The following RASIP1 variants were observed in gnomAD, a reference collection of about 807,000 sequenced individuals.
RASIP1 encodes the protein Ras interacting protein 1, also known as ras-interacting protein 1.
Under a neutral mutation model 85.3 loss-of-function variants are expected in RASIP1, and 20 were observed. The observed-to-expected ratio is 0.23, with a 90% CI of 0.17 to 0.34. RASIP1 has a LOEUF of 0.34. RASIP1 is among the 10% of genes least tolerant of loss of function. RASIP1 has a pLI of 1.00. For missense variants in RASIP1, 1,170 were observed against 1,390.9 expected (o/e 0.84, Z 2.53); for synonymous variants, 617 against 647.1 (o/e 0.95, Z 0.71).
Position 48,720,666 on chromosome 19 carries a change from C to A in RASIP1, c.*132G>T. 1 of 1,045,040 alleles carries A rather than the reference C, an allele frequency of 9.6e-7. No individual in the cohort carries two copies. The highest frequency in any genetic ancestry group is 1.4e-5 in the South Asian group (1 of 69,422). 64.7% of individuals were successfully genotyped at this position (1,045,040 alleles called of 1,614,324 possible). On this transcript the variant is annotated 3_prime_UTR_variant, in exon 12 of 12. Transcript: ENST00000222145. ...TCCCACCGTCCCATCCGCTACTTCC[C>A]GAAAACTCAATCTCCCAACATTCCA...
At chr19:48,725,914 T>C (rs1452165365) in intron 8 of RASIP1, among the ~76,000 whole-genome samples, 3 of 152,172 alleles carry the variant, frequency 2.0e-5, no homozygotes, top group African/African-American at 4.8e-5. Context: ...TGATTACTTT[T>C]TTTTTTATTT....
rs1297718536 is a variant in RASIP1, at chr19:48,735,119, G to A, written c.1179+77C>T. 4 of 1,363,770 alleles carry A rather than the reference G, an allele frequency of 2.9e-6. No individual in the cohort carries two copies. The Admixed American group carries it at 7.2e-5, about 25-fold the overall frequency. The allele number at this position is 1,363,770 out of a possible 1,614,324, so 84.5% of individuals were successfully genotyped here. On this transcript the variant is annotated intron_variant, in intron 4 of 11. Coordinates refer to ENST00000222145, the MANE Select transcript of RASIP1 (RefSeq NM_017805.3). ...GGCTAGCGCGCCCCGGGCCTTCTGG[G>A]AGTTGTAGTTTTGTTGCTCACCCAC... is the stretch of plus-strand genomic sequence containing the variant.
At position 48,740,401 on chromosome 19, in the gene RASIP1, C is replaced by G. The variant is rs1302054914; in HGVS notation, c.-4-115G>C. 7.0e-7 allele frequency: 1 copy of G among 1,430,560 alleles called. No individual in the cohort carries two copies. Among genetic ancestry groups the G allele is most frequent in the Admixed American group, 2.8e-5 (1 of 35,552 alleles). 88.6% of individuals were successfully genotyped at this position (1,430,560 alleles called of 1,614,324 possible). A position where few individuals can be genotyped will look rare whatever the true frequency, so the allele number is the denominator to read the frequency against. On this transcript the variant is annotated intron_variant, in intron 1 of 11. Coordinates refer to ENST00000222145, the MANE Select transcript of RASIP1 (RefSeq NM_017805.3). The surrounding 1 kb of genome is among the most constrained non-coding windows in gnomAD (Gnocchi z 5.5). The stretch of plus-strand genomic sequence containing the variant: ...GGGGCTGGGGCTCAGACTTGCGAGT[C>G]CAGGGGGAGGAGAGGGATGGTACCC...
chr19:48,732,372 T>C (rs555442582), intron 4 of RASIP1, among the ~76,000 whole-genome samples: 10 of 151,886 alleles, frequency 6.6e-5, no homozygotes, highest in African/African-American at 2.4e-4. Flanking sequence ...TCTCCTGCCT[T>C]AGCCTCTTGA....
chr19:48,734,066 C>T (rs538457615), intron 4 of RASIP1, among the ~76,000 whole-genome samples: 27 of 152,124 alleles, frequency 1.8e-4, no homozygotes, highest in Non-Finnish European at 2.8e-4. Flanking sequence ...GAGGCCGAGG[C>T]GGGCGGATCA....
chr19:48,736,139 G>A (rs1376165536), intron 3 of RASIP1, among the ~76,000 whole-genome samples: 8 of 151,560 alleles, frequency 5.3e-5, no homozygotes, highest in African/African-American at 1.9e-4. Context: ...ATTTAGGCCG[G>A]GTGCGGTGGC....
Position 48,721,898 on chromosome 19 carries a change from G to C in RASIP1, c.2648C>G (p.Ala883Gly), listed in dbSNP as rs777766602. 3.7e-6 allele frequency: 6 copies of C among 1,606,494 alleles called. No individual in the cohort carries two copies. Among genetic ancestry groups the C allele is most frequent in the Non-Finnish European group, 4.2e-6 (5 of 1,176,710 alleles). Residue 883 changes from alanine to glycine, a missense_variant, in exon 11 of 12, where the codon GCC (alanine) becomes GGC (glycine). Ala to Gly is a moderately conservative substitution (Grantham distance 60). Around this residue, in one of 4 missense-constraint regions of RASIP1, gnomAD observed 144 missense variants for 125.5 expected, o/e 1.15. Coordinates refer to ENST00000222145, the MANE Select transcript of RASIP1 (RefSeq NM_017805.3). ...CTCTGCAGGGGGAGGGTCCCACGCG[G>C]CTGGCGGCCCGCGGCCAGGGCCCAG... is the stretch of plus-strand genomic sequence containing the variant. ...YQLGPGRGPP[A>G]AWDPPPAERE... is the part of the protein sequence containing the mutation.
At chr19:48,732,440 G>C (rs1182792822) in intron 4 of RASIP1, among the ~76,000 whole-genome samples, 1 of 151,706 alleles carries the variant, frequency 6.6e-6, no homozygotes, top group African/African-American at 2.4e-5. Context: ...ATTTTTAGTA[G>C]ACATAGGGTT....
In RASIP1 at chr19:48,735,354, C is replaced by CCTG. The variant is rs1409185775; in HGVS notation, c.1018_1020dup (p.Gln340dup). ...ATGCTAAGTGCCTGCTGTCTCCGCT[C>CCTG]CTGCTGCCGCCGCCGCCGCCCCTGA... On this transcript the variant is annotated inframe_insertion, in exon 4 of 12. Coordinates refer to ENST00000222145, the MANE Select transcript of RASIP1 (RefSeq NM_017805.3). The CCTG allele has an allele frequency of 1.2e-6, 2 of 1,612,770 alleles. No individual in the cohort carries two copies. Among genetic ancestry groups the CCTG allele is most frequent in the Non-Finnish European group, 1.7e-6 (2 of 1,179,812 alleles).
In RASIP1 at chr19:48,720,960, G is replaced by A; in HGVS notation, c.2730C>T (p.Leu910=). Residue 910 remains leucine (L), a synonymous_variant, in exon 12 of 12, where the codon CTC becomes CTT. Transcript: ENST00000222145. Reference sequence around the variant, plus strand: ...GGCGCGAGCTCCCCAGGGGGAGGATGAGGGGCGGGTGCGAGGAGAAGCTTT... The same window carrying A: ...GGCGCGAGCTCCCCAGGGGGAGGATAAGGGGCGGGTGCGAGGAGAAGCTTT... ...IFESFSSHPP[L]ILPLGSSRLR... The A allele has an allele frequency of 6.2e-7, 1 of 1,611,560 alleles. No homozygotes were observed. The highest frequency in any genetic ancestry group is 1.1e-5 in the South Asian group (1 of 91,036).
intron 8 of RASIP1, 146 bp from the exon 9 acceptor site, chr19:48,725,106 C>G (rs144968151): frequency 1.1e-6 from 1 of 926,158 alleles, no homozygotes; most frequent in Non-Finnish European, 1.6e-6. Context: ...AAAGGGTCTC[C>G]GTGAGCAAAT....
chr19:48,739,882 G>C lies in RASIP1; in HGVS notation c.138-237C>G, dbSNP rs1403038791. On this transcript the variant is annotated intron_variant, in intron 2 of 11. Coordinates refer to ENST00000222145, the MANE Select transcript of RASIP1 (RefSeq NM_017805.3). The surrounding 1 kb of genome is among the most constrained non-coding windows in gnomAD (Gnocchi z 9.2). ...GGAAATTCCAAGAGGTGAGCAGGGA[G>C]GGGAGGAAGGAAGGTGAATCAATCC... is the stretch of plus-strand genomic sequence containing the variant. 6.6e-6 allele frequency among the ~76,000 whole-genome samples: 1 copy of C among 152,098 alleles called. No individual in the cohort carries two copies. The highest frequency in any genetic ancestry group is 1.5e-5 in the Non-Finnish European group (1 of 68,006).
Position 48,729,394 on chromosome 19 carries a change from G to C in RASIP1, c.1376C>G (p.Thr459Arg). ...MVRPSRGAPVTHNGCLLLREA... is the reference protein window; with the variant it reads ...MVRPSRGAPVRHNGCLLLREA... ...CCGCAGCAGGAGGCACCCGTTGTGCGTGACTGGGGCGCCCCGGGACGGGCG... is the reference window on the plus strand; with the variant it reads ...CCGCAGCAGGAGGCACCCGTTGTGCCTGACTGGGGCGCCCCGGGACGGGCG... Residue 459 changes from threonine to arginine, a missense_variant, in exon 5 of 12, where the codon ACG (threonine) becomes AGG (arginine). Thr to Arg is a moderately conservative substitution (Grantham distance 71). This residue lies in a region of RASIP1 where 426 missense variants were observed against 576.2 expected (regional missense o/e 0.74). Coordinates refer to ENST00000222145, the MANE Select transcript of RASIP1 (RefSeq NM_017805.3). The C allele has an allele frequency of 6.4e-7, 1 of 1,556,062 alleles. No homozygotes were observed. Among genetic ancestry groups the C allele is most frequent in the South Asian group, 1.2e-5 (1 of 84,582 alleles).
At chr19:48,730,016 C>A (rs531673667) in intron 4 of RASIP1, among the ~76,000 whole-genome samples, 9 of 151,942 alleles carry the variant, frequency 5.9e-5, no homozygotes, top group African/African-American at 1.9e-4. Context: ...CGCCCGGCCC[C>A]CCACCGACTT....
rs772112603 is a variant in RASIP1 at position 48,729,480 on chromosome 19, G to C, written c.1290C>G (p.Ala430=). The C allele has an allele frequency of 6.3e-7, 1 of 1,580,866 alleles. No individual in the cohort carries two copies. ...PAPYVDTFLN[A]PDILPRHCTV... ...TGCAGTGACGCGGCAGGATGTCCGG[G>C]GCGTTGAGGAAGGTGTCCACATAGG... is the stretch of plus-strand genomic sequence containing the variant. The change falls in exon 5 of 12, where the codon GCC becomes GCG. Residue 430 remains alanine (A), a synonymous_variant. Coordinates refer to ENST00000222145, the MANE Select transcript of RASIP1 (RefSeq NM_017805.3).
Position 48,724,206 on chromosome 19 carries a change from A to T in RASIP1, c.2544+131T>A, listed in dbSNP as rs933073693. On this transcript the variant is annotated intron_variant, in intron 10 of 11. Transcript: ENST00000222145. This position sits in a 1 kb window ranked among gnomAD's most constrained non-coding sequence, Gnocchi z 4.6. Reference sequence around the variant, plus strand: ...TTCTACCTGCCAATGTGTTACCCACAGTGTCTGAGCTGGGGCTGGGGATGG... The same window carrying T: ...TTCTACCTGCCAATGTGTTACCCACTGTGTCTGAGCTGGGGCTGGGGATGG... 1.5e-5 allele frequency: 14 copies of T among 911,146 alleles called. 1 individual carries two copies. Among genetic ancestry groups the T allele is most frequent in the Non-Finnish European group, 2.3e-5 (14 of 608,532 alleles). 56.4% of individuals were successfully genotyped at this position (911,146 alleles called of 1,614,324 possible). A position where few individuals can be genotyped will look rare whatever the true frequency, so the allele number is the denominator to read the frequency against.
rs202046985 is a variant in RASIP1 at position 48,724,885 on chromosome 19, C to T, written c.2203G>A (p.Ala735Thr). The change falls in exon 9 of 12, where the codon GCG becomes ACG. Residue 735 changes from alanine (A) to threonine (T), a missense_variant. Physicochemically the swap from Ala to Thr is moderately conservative, Grantham distance 58. Coordinates refer to ENST00000222145, the MANE Select transcript of RASIP1 (RefSeq NM_017805.3). This position sits in a 1 kb window ranked among gnomAD's most constrained non-coding sequence, Gnocchi z 4.6. ...TAGAELPGPG[A>T]ELGAMPPGLR... ...CCTGGAGGCATGGCCCCCAGCTCCG[C>T]GCCAGGCCCCGGCAGCTCTGCACCA... 4.5e-5 allele frequency: 73 copies of T among 1,614,122 alleles called. No individual in the cohort carries two copies. Among genetic ancestry groups the T allele is most frequent in the East Asian group, 6.7e-5 (3 of 44,894 alleles).
At chr19:48,722,242 G>A (rs887841331) in intron 10 of RASIP1, among the ~76,000 whole-genome samples, 5 of 151,690 alleles carry the variant, frequency 3.3e-5, no homozygotes, top group African/African-American at 1.2e-4. Flanking sequence ...GAGTAGGGTG[G>A]AAATAAATAA....
intron 11 of RASIP1, 67 bp from the exon 12 acceptor site, chr19:48,721,064 C>T: frequency 2.2e-6 from 3 of 1,359,270 alleles, no homozygotes; most frequent in Non-Finnish European, 3.0e-6. Context: ...TCGGGAAGAG[C>T]CGAGGCTGCG....
Sources: gnomAD v4.1 joint callset for allele counts (sites outside exome capture counted in the v4.1 genomes callset) on GRCh38, gnomAD v4.1.1 for gene constraint, gnomAD v4.1.1 regional missense constraint, Gnocchi (gnomAD v3.1) non-coding constraint, MANE v1.5 for transcripts, NCBI Gene and HGNC (gene_info 2026-07-23, HGNC 2026-07-21) for gene names.